Variants in TEAD1 observed in about 807,000 individuals in gnomAD.
The protein encoded by TEAD1 is TEA domain transcription factor 1.
In TEAD1, 9 loss-of-function variants were observed where a neutral mutation model predicts 54.9. The ratio of observed to expected loss-of-function variants is 0.16; its 90% CI spans 0.10 to 0.29. The LOEUF (loss-of-function observed/expected upper bound fraction) is 0.29, where lower values mean the gene tolerates loss of function less well. Among genes scored for constraint, TEAD1 ranks in the 10% least tolerant of loss-of-function variants. TEAD1 has a pLI of 1.00. For synonymous variants in TEAD1, 200 were observed against 187.8 expected, an observed-to-expected ratio of 1.07 and a Z score of -0.53; for missense variants, 387 against 535.9, an observed-to-expected ratio of 0.72 and a Z score of 2.74.
At chr11:12,696,123 A>G (rs550849008) in intron 2 of TEAD1, among the ~76,000 whole-genome samples, 13 of 152,388 alleles carry the variant, frequency 8.5e-5, no homozygotes, top group South Asian at 2.1e-4. Flanking sequence ...TAAGAAGACA[A>G]GATGATACTT....
intron 10 of TEAD1, 77 bp downstream of exon 10, chr11:12,902,190 A>C: frequency 3.8e-6 from 6 of 1,589,598 alleles, no homozygotes; most frequent in Non-Finnish European, 5.2e-6. Context: ...AGTGCAGCAC[A>C]GCTGGCTTTG....
intron 2 of TEAD1, among the ~76,000 whole-genome samples, chr11:12,757,974 T>C (rs749499550): frequency 6.6e-6 from 1 of 152,028 alleles, no homozygotes; most frequent in Non-Finnish European, 1.5e-5. Context: ...GAGACGGAGT[T>C]TCACTGTGTT....
At chr11:12,925,868 T>C (rs528173536) in intron 11 of TEAD1, among the ~76,000 whole-genome samples, 90 of 152,308 alleles carry the variant, frequency 5.9e-4, no homozygotes, top group African/African-American at 2.0e-3. Flanking sequence ...GAGTTTGATA[T>C]TGTTGCTTTT....
chr11:12,819,261 G>A (rs1335028751), intron 3 of TEAD1, among the ~76,000 whole-genome samples: 1 of 134,852 alleles, frequency 7.4e-6, no homozygotes, highest in African/African-American at 2.7e-5. Flanking sequence ...ATTATCACCG[G>A]TGCTTGTGCA....
intron 10 of TEAD1, among the ~76,000 whole-genome samples, chr11:12,920,998 A>G (rs1350028120): frequency 6.6e-6 from 1 of 152,222 alleles, no homozygotes; most frequent in Non-Finnish European, 1.5e-5. Flanking sequence ...TCTAAGTGGC[A>G]TAGGTATATA....
Position 12,930,266 on chromosome 11 carries a change from C to G in TEAD1, c.1107C>G (p.Leu369=), listed in dbSNP as rs1241323540. Residue 369 remains leucine (L), a synonymous_variant, in exon 12 of 13, where the codon CTC becomes CTG. Coordinates refer to ENST00000527636, the MANE Select transcript of TEAD1 (RefSeq NM_021961.6). ...ATATGATCAACTTCATCCACAAGCT[C>G]AAACACTTACCAGAGAAATATATGA... The G allele has an allele frequency of 6.2e-7, 1 of 1,614,224 alleles. No individual in the cohort carries two copies. The highest frequency in any genetic ancestry group is 8.5e-7 in the Non-Finnish European group (1 of 1,180,046).
chr11:12,742,107 C>A (rs1322059411), intron 2 of TEAD1, among the ~76,000 whole-genome samples: 1 of 152,222 alleles, frequency 6.6e-6, no homozygotes, highest in African/African-American at 2.4e-5. Context: ...CCCTTTACAG[C>A]ATGACTGTTT....
chr11:12,867,283 C>T (rs1947637592), intron 5 of TEAD1, among the ~76,000 whole-genome samples: 1 of 152,170 alleles, frequency 6.6e-6, no homozygotes, highest in Admixed American at 6.5e-5. Flanking sequence ...AACTGTCACC[C>T]CTCACAGTCT....
chr11:12,869,318 C>T (rs1163667357), intron 5 of TEAD1, among the ~76,000 whole-genome samples: 4 of 152,126 alleles, frequency 2.6e-5, no homozygotes, highest in Admixed American at 2.0e-4. Context: ...GGACCAGGGG[C>T]CAACCCACAC....
chr11:12,837,316 T>C (rs954894832), intron 3 of TEAD1, among the ~76,000 whole-genome samples: 3 of 151,890 alleles, frequency 2.0e-5, no homozygotes, highest in African/African-American at 7.3e-5. Context: ...AAAAGGGCTT[T>C]CTGTTATTTT....
intron 2 of TEAD1, among the ~76,000 whole-genome samples, chr11:12,714,450 G>A (rs1944011853): frequency 6.6e-6 from 1 of 152,048 alleles, no homozygotes; most frequent in African/African-American, 2.4e-5. Context: ...GGAGTGCGGT[G>A]GTGGACCACA....
chr11:12,891,547 T>C (rs143319697), intron 9 of TEAD1, among the ~76,000 whole-genome samples: 2 of 152,342 alleles, frequency 1.3e-5, no homozygotes, highest in African/African-American at 4.8e-5. Context: ...AGGATGCTGA[T>C]AAGATTTGAA....
chr11:12,725,966 A>G (rs1437447740), intron 2 of TEAD1, among the ~76,000 whole-genome samples: 1 of 152,236 alleles, frequency 6.6e-6, no homozygotes, highest in Non-Finnish European at 1.5e-5. Context: ...TGTTGGGAAG[A>G]ATTCCATTCA....
intron 2 of TEAD1, among the ~76,000 whole-genome samples, chr11:12,757,129 C>T (rs1009286786): frequency 3.3e-5 from 5 of 152,196 alleles, no homozygotes; most frequent in African/African-American, 1.2e-4. Context: ...CTACTGACTT[C>T]TCTCTCCTCC....
intron 9 of TEAD1, among the ~76,000 whole-genome samples, chr11:12,883,745 G>T (rs967234956): frequency 6.6e-6 from 1 of 152,132 alleles, no homozygotes; most frequent in African/African-American, 2.4e-5. Flanking sequence ...CAGGCATGGT[G>T]GCTCACGCCT....
At chr11:12,752,633 A>C (rs1944898724) in intron 2 of TEAD1, among the ~76,000 whole-genome samples, 1 of 152,126 alleles carries the variant, frequency 6.6e-6, no homozygotes. Context: ...TGTCCCATAG[A>C]ACTTTCTGTG....
chr11:12,915,429 G>C (rs1174985189), intron 10 of TEAD1, among the ~76,000 whole-genome samples: 1 of 152,330 alleles, frequency 6.6e-6, no homozygotes, highest in East Asian at 1.9e-4. Flanking sequence ...AAGGACTTCA[G>C]ATCCCACATA....
chr11:12,930,484 A>G (rs542772254), intron 12 of TEAD1, among the ~76,000 whole-genome samples, 158 bp downstream of exon 12: 1 of 152,290 alleles, frequency 6.6e-6, no homozygotes, highest in African/African-American at 2.4e-5. Context: ...AATTTGCATC[A>G]TCCATAGGGA....
At chr11:12,861,727 C>T (rs1947507593) in intron 3 of TEAD1, among the ~76,000 whole-genome samples, 2 of 152,198 alleles carry the variant, frequency 1.3e-5, no homozygotes, top group African/African-American at 4.8e-5. Flanking sequence ...TGGCTCATGC[C>T]TGTAATCCCA....
Sources: gnomAD v4.1 joint callset for allele counts (sites outside exome capture counted in the v4.1 genomes callset) on GRCh38, gnomAD v4.1.1 for gene constraint, MANE v1.5 for transcripts, NCBI Gene and HGNC (gene_info 2026-07-23, HGNC 2026-07-21) for gene names.